Variants in SLCO5A1 observed in about 807,000 individuals in gnomAD.
SLCO5A1 encodes the protein solute carrier organic anion transporter family member 5A1, also known as organic anion transporter polypeptide-related protein 4.
Under a neutral mutation model 65.1 loss-of-function variants are expected in SLCO5A1, and 39 were observed. That is an observed-to-expected ratio of 0.60 (90% CI 0.46 to 0.78). The LOEUF (loss-of-function observed/expected upper bound fraction) is 0.78, where lower values mean the gene tolerates loss of function less well. Ranked by LOEUF, SLCO5A1 falls within the 30% of genes least tolerant of loss-of-function variation. The probability of loss-of-function intolerance (pLI) is 0.00; values close to 1 mark genes in which losing one functional copy is unlikely to be tolerated. For synonymous variants in SLCO5A1, 438 were observed against 415.7 expected (o/e 1.05, Z -0.65); for missense variants, 1,029 against 1,069.4 (o/e 0.96, Z 0.53).
intron 4 of SLCO5A1, among the ~76,000 whole-genome samples, chr8:69,755,214 C>T (rs1433473058): frequency 6.6e-6 from 1 of 151,994 alleles, no homozygotes; most frequent in African/African-American, 2.4e-5. Context: ...AAATAACATA[C>T]AAAATATAAC....
chr8:69,798,806 G>T (rs1290832554), intron 2 of SLCO5A1, among the ~76,000 whole-genome samples: 1 of 152,240 alleles, frequency 6.6e-6, no homozygotes, highest in Admixed American at 6.5e-5. Context: ...CAAAGAGGAA[G>T]CTGAAAGTAA....
At chr8:69,749,739 C>CAAAA (rs34565270) in intron 4 of SLCO5A1, among the ~76,000 whole-genome samples, 1 of 110,922 alleles carries the variant, frequency 9.0e-6, no homozygotes, top group Non-Finnish European at 2.1e-5. Context: ...ATGTAATGGA[C>CAAAA]AAAAAAAAAA....
rs779442274 is a variant in SLCO5A1 at position 69,761,785 on chromosome 8, G to A, written c.998C>T (p.Pro333Leu). 8.1e-6 allele frequency: 13 copies of A among 1,613,896 alleles called. No individual in the cohort carries two copies. The South Asian group carries it at 1.3e-4, about 16-fold the overall frequency. ...LIGFYVDPRN[P>L]VHLDQNDPRF... ...AGGGTCATTCTGGTCAAGGTGAACA[G>A]GATTTCTGGGATCAACATAAAAACC... The change falls in exon 3 of 10, where the codon CCT becomes CTT. Residue 333 changes from proline (P) to leucine (L), a missense_variant. Physicochemically the swap from Pro to Leu is moderately conservative, Grantham distance 98. Coordinates refer to ENST00000260126, the MANE Select transcript of SLCO5A1 (RefSeq NM_030958.3).
intron 2 of SLCO5A1, chr8:69,794,246 G>A: frequency 2.1e-6 from 1 of 472,172 alleles, no homozygotes; most frequent in Non-Finnish European, 4.2e-6. Context: ...CTTGTCAAAA[G>A]CTTCCACCAG....
chr8:69,720,946 T>A (rs1815787752), intron 5 of SLCO5A1, among the ~76,000 whole-genome samples: 1 of 152,244 alleles, frequency 6.6e-6, no homozygotes, highest in Non-Finnish European at 1.5e-5. Context: ...TGGGTTCCAA[T>A]AAAGTTTTAT....
intron 2 of SLCO5A1, among the ~76,000 whole-genome samples, chr8:69,801,723 AG>A (rs1436290660): frequency 2.0e-5 from 3 of 152,190 alleles, no homozygotes; most frequent in African/African-American, 7.2e-5. Context: ...CCTTTGGCTT[AG>A]CTGACACAAG....
intron 2 of SLCO5A1, among the ~76,000 whole-genome samples, chr8:69,780,657 G>T (rs996282934): frequency 1.3e-5 from 2 of 152,074 alleles, no homozygotes; most frequent in Non-Finnish European, 2.9e-5. Context: ...GAAGGGTAAG[G>T]GTGGATGGTG....
chr8:69,795,503 C>T (rs1300819117), intron 2 of SLCO5A1, among the ~76,000 whole-genome samples: 4 of 152,352 alleles, frequency 2.6e-5, no homozygotes, highest in East Asian at 1.9e-4. Flanking sequence ...CCAAGTCCCA[C>T]ATCCAAGGCA....
At chr8:69,796,070 C>T (rs1357112414) in intron 2 of SLCO5A1, among the ~76,000 whole-genome samples, 1 of 152,222 alleles carries the variant, frequency 6.6e-6, no homozygotes, top group Non-Finnish European at 1.5e-5. Flanking sequence ...GGGTCTGGCC[C>T]ATGAAATCAC....
intron 1 of SLCO5A1, 109 bp downstream of exon 1, chr8:69,834,745 C>CACAT (rs1266792180): frequency 2.2e-5 from 1 of 45,996 alleles, no homozygotes; most frequent in Non-Finnish European, 4.2e-5. Flanking sequence ...TACACACACA[C>CACAT]ACACACACAC....
At chr8:69,678,340 C>T (rs1813631447) in intron 8 of SLCO5A1, among the ~76,000 whole-genome samples, 1 of 152,096 alleles carries the variant, frequency 6.6e-6, no homozygotes, top group Non-Finnish European at 1.5e-5. Flanking sequence ...CCCAAACCTC[C>T]GTGATTTAGC....
chr8:69,789,920 C>T lies in SLCO5A1; in HGVS notation c.908-28045G>A, dbSNP rs915495150. Among the ~76,000 whole-genome samples the T allele has an allele frequency of 5.3e-5, 8 of 152,142 alleles. 1 individual carries two copies. In the South Asian group the frequency reaches 1.0e-3, roughly 20 times the overall value. Reference sequence around the variant, plus strand: ...TAAAAGAGGGTAATTGGGCCGGGCACGGTGGCTCAAGCCTGTAATCCCAGC... The same window carrying T: ...TAAAAGAGGGTAATTGGGCCGGGCATGGTGGCTCAAGCCTGTAATCCCAGC... On this transcript the variant is annotated intron_variant, in intron 2 of 9. Transcript: ENST00000260126.
In SLCO5A1 at chr8:69,670,371, A is replaced by G. The variant is rs766331495; in HGVS notation, c.*2498T>C. 7 of 152,238 alleles carry G rather than the reference A, an allele frequency of 4.6e-5. No individual in the cohort carries two copies. The highest frequency in any genetic ancestry group is 1.0e-4 in the Non-Finnish European group (7 of 68,040). 9.4% of individuals were successfully genotyped at this position (152,238 alleles called of 1,614,324 possible). ...ACTTCAGTTGGCTATGTAATATTCC[A>G]GTGATGCTACCATAGCCCCAAGTAT... On this transcript the variant is annotated 3_prime_UTR_variant, in exon 10 of 10. Transcript: ENST00000260126.
At chr8:69,801,069 C>G (rs940093642) in intron 2 of SLCO5A1, among the ~76,000 whole-genome samples, 16 of 152,092 alleles carry the variant, frequency 1.1e-4, no homozygotes, top group African/African-American at 3.9e-4. Flanking sequence ...AGCAGAATTC[C>G]TTAGGAAAAT....
chr8:69,727,009 A>G (rs1816111478), intron 5 of SLCO5A1, among the ~76,000 whole-genome samples: 1 of 152,180 alleles, frequency 6.6e-6, no homozygotes, highest in African/African-American at 2.4e-5. Flanking sequence ...TGTGAAGCCC[A>G]CAACATACTT....
At chr8:69,730,236 A>G (rs1816270712) in intron 5 of SLCO5A1, among the ~76,000 whole-genome samples, 1 of 152,222 alleles carries the variant, frequency 6.6e-6, no homozygotes, top group Non-Finnish European at 1.5e-5. Context: ...ACAGCAAAAC[A>G]AAACAGATAA....
intron 2 of SLCO5A1, among the ~76,000 whole-genome samples, chr8:69,807,421 C>A (rs1267249775): frequency 6.6e-6 from 1 of 152,122 alleles, no homozygotes; most frequent in Non-Finnish European, 1.5e-5. Context: ...CTACAGTCAT[C>A]GAGCTGTGCA....
chr8:69,782,066 C>T (rs529562835), intron 2 of SLCO5A1, among the ~76,000 whole-genome samples: 78 of 152,072 alleles, frequency 5.1e-4, no homozygotes, highest in African/African-American at 1.8e-3. Flanking sequence ...GGCCTGTCAG[C>T]GGGTGTGGGG....
chr8:69,711,666 A>G (rs879297921), intron 5 of SLCO5A1, among the ~76,000 whole-genome samples: 1 of 152,204 alleles, frequency 6.6e-6, no homozygotes, highest in Non-Finnish European at 1.5e-5. Context: ...TTCAAATCTC[A>G]GCTCAGCCAC....
Sources: allele counts gnomAD v4.1 joint callset (sites outside exome capture counted in the v4.1 genomes callset), GRCh38; gene constraint gnomAD v4.1.1; transcripts MANE v1.5; gene names NCBI Gene and HGNC (gene_info 2026-07-23, HGNC 2026-07-21).